The following FBXO11 variants were observed in gnomAD, a reference collection of about 807,000 sequenced individuals.
The protein encoded by FBXO11 is F-box protein 11, also known as F-box only protein 11.
A neutral mutation model predicts 117.0 loss-of-function variants in FBXO11; 13 were observed. The ratio of observed to expected loss-of-function variants is 0.11; its 90% confidence interval spans 0.07 to 0.18. The LOEUF (loss-of-function observed/expected upper bound fraction) is 0.18, where lower values mean the gene tolerates loss of function less well. Among genes scored for constraint, FBXO11 ranks in the 10% least tolerant of loss-of-function variants. FBXO11 has a pLI of 1.00. For missense variants in FBXO11, 767 were observed against 1,164.4 expected (o/e 0.66, Z 4.97); for synonymous variants, 490 against 380.5 (o/e 1.29, Z -3.35).
intron 16 of FBXO11, among the ~76,000 whole-genome samples, chr2:47,814,463 C>T (rs952655378): frequency 3.3e-5 from 5 of 150,398 alleles, no homozygotes; most frequent in African/African-American, 7.4e-5. Context: ...ACTGCAGCCT[C>T]GAACTCTTGG....
chr2:47,875,309 A>G (rs1675918414), intron 1 of FBXO11, among the ~76,000 whole-genome samples: 1 of 152,176 alleles, frequency 6.6e-6, no homozygotes, highest in Non-Finnish European at 1.5e-5. Flanking sequence ...TGGCTACCAT[A>G]TTGGACAACT....
chr2:47,841,062 G>A (rs1672975550), intron 1 of FBXO11, among the ~76,000 whole-genome samples: 1 of 151,918 alleles, frequency 6.6e-6, no homozygotes, highest in African/African-American at 2.4e-5. Context: ...GCCTGGTGTG[G>A]TAGCGGGCGC....
Position 47,905,535 on chromosome 2 carries a change from C to CGGT in FBXO11, c.183_185dup (p.Pro66dup), listed in dbSNP as rs1678724808. ...GCTCCTGAGGCAGCGGCGGAGGCGGCGGTGGCGGCGGCGGAGGCTGCTGCT... is the reference window on the plus strand; with the variant it reads ...GCTCCTGAGGCAGCGGCGGAGGCGGCGGTGGTGGCGGCGGCGGAGGCTGCTGCT... On this transcript the variant is annotated inframe_insertion, in exon 1 of 23. Transcript: ENST00000403359. 1.6e-6 allele frequency: 2 copies of CGGT among 1,236,170 alleles called. No individual in the cohort carries two copies. Among genetic ancestry groups the CGGT allele is most frequent in the South Asian group, 3.7e-5 (1 of 27,332 alleles). The allele number at this position is 1,236,170 out of a possible 1,614,324, so 76.6% of individuals were successfully genotyped here.
At chr2:47,839,371 T>A in intron 3 of FBXO11, 48 bp downstream of exon 3, 3 of 1,540,628 alleles carry the variant, frequency 1.9e-6, no homozygotes, top group Non-Finnish European at 8.8e-7. Context: ...TCAAGCAAAA[T>A]TAAAAAAAAT....
At chr2:47,884,952 T>C (rs1676706942) in intron 1 of FBXO11, among the ~76,000 whole-genome samples, 1 of 152,164 alleles carries the variant, frequency 6.6e-6, no homozygotes, top group South Asian at 2.1e-4. Flanking sequence ...TATACTGATA[T>C]CAGACATCTA....
intron 1 of FBXO11, among the ~76,000 whole-genome samples, chr2:47,872,025 T>C (rs1675660434): frequency 6.6e-6 from 1 of 152,238 alleles, no homozygotes; most frequent in Non-Finnish European, 1.5e-5. Context: ...GTAGCTTCTT[T>C]TATCCCTCTG....
intron 1 of FBXO11, among the ~76,000 whole-genome samples, chr2:47,871,672 T>C (rs545641500): frequency 3.9e-5 from 6 of 152,230 alleles, no homozygotes; most frequent in Non-Finnish European, 7.3e-5. Flanking sequence ...AGGGTGGCTA[T>C]CTTTTTCCTT....
At chr2:47,823,406 A>T in intron 11 of FBXO11, 46 bp from the exon 12 acceptor site, 1 of 1,378,492 alleles carries the variant, frequency 7.3e-7, no homozygotes, top group Non-Finnish European at 9.9e-7. Context: ...CTACTTTACA[A>T]AAAAAGAAAT....
At chr2:47,815,667 C>G (rs977883630) in intron 16 of FBXO11, among the ~76,000 whole-genome samples, 2 of 152,158 alleles carry the variant, frequency 1.3e-5, no homozygotes, top group African/African-American at 4.8e-5. Flanking sequence ...TTAGCAAAGC[C>G]TGGTTGAAAT....
At chr2:47,843,489 GGA>G (rs1673170050) in intron 1 of FBXO11, among the ~76,000 whole-genome samples, 1 of 146,624 alleles carries the variant, frequency 6.8e-6, no homozygotes, top group Non-Finnish European at 1.5e-5. Flanking sequence ...AATATTATTT[GGA>G]CACACAGATT....
chr2:47,808,498 T>C, intron 21 of FBXO11, 71 bp from the exon 22 acceptor site: 3 of 1,285,692 alleles, frequency 2.3e-6, no homozygotes, highest in Non-Finnish European at 3.2e-6. Context: ...TCTGTTTATA[T>C]ATTACTATGA....
At chr2:47,860,438 T>C in intron 1 of FBXO11, among the ~76,000 whole-genome samples, 1 of 147,158 alleles carries the variant, frequency 6.8e-6, no homozygotes, top group East Asian at 2.0e-4. Context: ...GGAGACAGAG[T>C]CTGGCTCTGT....
In FBXO11 at chr2:47,905,817, G is replaced by A. The variant is rs1335755936; in HGVS notation, c.-97C>T. On this transcript the variant is annotated 5_prime_UTR_variant, in exon 1 of 23. Coordinates refer to ENST00000403359, the MANE Select transcript of FBXO11 (RefSeq NM_001190274.2). The stretch of plus-strand genomic sequence containing the variant: ...AGAAAGGGGTGGGGAGAGTGGGAGA[G>A]GGGGGAGGAAGGAGAGGGGGCGAGG... 9 of 1,132,584 alleles carry A rather than the reference G, an allele frequency of 7.9e-6. No individual in the cohort carries two copies. In the African/African-American group the frequency reaches 1.2e-4, roughly 15 times the overall value. 70.2% of individuals were successfully genotyped at this position (1,132,584 alleles called of 1,614,324 possible).
At chr2:47,829,208 T>C (rs1215412068) in intron 11 of FBXO11, among the ~76,000 whole-genome samples, 1 of 151,776 alleles carries the variant, frequency 6.6e-6, no homozygotes, top group Non-Finnish European at 1.5e-5. Context: ...AAAAATTTTA[T>C]AGTTATTTGG....
intron 1 of FBXO11, among the ~76,000 whole-genome samples, chr2:47,849,019 G>T (rs926754975): frequency 6.6e-6 from 1 of 152,134 alleles, no homozygotes. Flanking sequence ...TCACAGATCA[G>T]ATTGGAAACT....
chr2:47,818,896 C>T (rs1671189387), intron 15 of FBXO11, 32 bp from the exon 16 acceptor site: 1 of 1,536,026 alleles, frequency 6.5e-7, no homozygotes, highest in Non-Finnish European at 8.8e-7. Flanking sequence ...AAAGCTTTTT[C>T]AAGGGACAAG....
chr2:47,898,949 A>G (rs912876410), intron 1 of FBXO11, among the ~76,000 whole-genome samples: 1 of 146,784 alleles, frequency 6.8e-6, no homozygotes, highest in Admixed American at 6.8e-5. Flanking sequence ...TTCATTTATT[A>G]AAAAAAAAAA....
At position 47,809,625 on chromosome 2, in the gene FBXO11, T is replaced by C; in HGVS notation, c.2421A>G (p.Ala807=). 6.2e-7 allele frequency: 1 copy of C among 1,613,174 alleles called. No homozygotes were observed. The highest frequency in any genetic ancestry group is 8.5e-7 in the Non-Finnish European group (1 of 1,179,460). ...FNNRFGGLFL[A]SGVNVTMKDN... is the part of the protein sequence containing the mutation. ...CTTTCATTGTCACATTAACACCAGA[T>C]GCTAAAAATAAGCCTCCAAACCGGT... Residue 807 remains alanine (A), a synonymous_variant, in exon 20 of 23, where the codon GCA becomes GCG. Transcript: ENST00000403359.
chr2:47,868,205 C>G (rs1332855651), intron 1 of FBXO11, among the ~76,000 whole-genome samples: 3 of 151,144 alleles, frequency 2.0e-5, no homozygotes, highest in Non-Finnish European at 4.4e-5. Flanking sequence ...ATCACTTGAA[C>G]CCGGGAGGCG....
Sources: gnomAD v4.1 joint callset for allele counts (sites outside exome capture counted in the v4.1 genomes callset) on GRCh38, gnomAD v4.1.1 for gene constraint, MANE v1.5 for transcripts, NCBI Gene and HGNC (gene_info 2026-07-23, HGNC 2026-07-21) for gene names.